Variants in CSDE1 observed in about 807,000 individuals in gnomAD.
CSDE1 encodes the protein cold shock domain containing E1, also known as cold shock domain-containing protein E1.
A neutral mutation model predicts 89.3 loss-of-function variants in CSDE1; 17 were observed. That is an observed-to-expected ratio of 0.19 (90% CI 0.13 to 0.29). The LOEUF (loss-of-function observed/expected upper bound fraction) is 0.29. Ranked by LOEUF, CSDE1 falls within the 10% of genes least tolerant of loss-of-function variation. The pLI is 1.00. For synonymous variants in CSDE1, 322 were observed against 332.8 expected (o/e 0.97, Z 0.35); for missense variants, 672 against 984.2 (o/e 0.68, Z 4.24).
chr1:114,726,446 C>A, intron 13 of CSDE1, 60 bp from the exon 14 acceptor site: 2 of 1,400,724 alleles, frequency 1.4e-6, no homozygotes, highest in South Asian at 1.5e-5. Context: ...CTCCTTAACT[C>A]AGAAAACAAG....
At chr1:114,725,450 A>G in intron 14 of CSDE1, 117 bp from the exon 15 acceptor site, 1 of 759,092 alleles carries the variant, frequency 1.3e-6, no homozygotes, top group Non-Finnish European at 2.3e-6. Flanking sequence ...ATTAGACACC[A>G]TTTTAAGTAA....
Position 114,717,237 on chromosome 1 carries a change from G to GT in CSDE1, c.*931dup, listed in dbSNP as rs1209268444. The GT allele has an allele frequency of 2.6e-5, 4 of 152,304 alleles. No homozygotes were observed. The highest frequency in any genetic ancestry group is 7.3e-5 in the African/African-American group (3 of 41,350). The allele number at this position is 152,304 out of a possible 1,614,324, so 9.4% of individuals were successfully genotyped here. On this transcript the variant is annotated 3_prime_UTR_variant, in exon 20 of 20. Transcript: ENST00000358528. ...AAGCTACACCAAGGGTCAAGTGTCT[G>GT]TATTTTACAGGACACAGTAACCAGG... is the stretch of plus-strand genomic sequence containing the variant.
rs1435123258 is a variant in CSDE1, at chr1:114,726,321, T to G, written c.1530A>C (p.Leu510Phe). 1.2e-6 allele frequency: 2 copies of G among 1,613,908 alleles called. No individual in the cohort carries two copies. Among genetic ancestry groups the G allele is most frequent in the Admixed American group, 3.3e-5 (2 of 59,972 alleles). ...GCCTCTTGGAGTTAGAATTACGACC[T>G]AAAAGTCGCACACAAGTTGCAACCT... ...GQQVATCVRL[L>F]GRNSNSKRLL... Residue 510 changes from leucine to phenylalanine, a missense_variant, in exon 14 of 20, where the codon TTA becomes TTC. Coordinates refer to ENST00000358528, the MANE Select transcript of CSDE1 (RefSeq NM_001007553.3).
chr1:114,726,831 AGCT>A, intron 13 of CSDE1, 149 bp downstream of exon 13: 1 of 569,216 alleles, frequency 1.8e-6, no homozygotes, highest in East Asian at 2.9e-5. Flanking sequence ...ACTTTTAATA[AGCT>A]GCTTTCAAAT....
intron 7 of CSDE1, 83 bp from the exon 8 acceptor site, chr1:114,734,200 A>C: frequency 6.9e-7 from 1 of 1,444,938 alleles, no homozygotes; most frequent in Non-Finnish European, 9.4e-7. Flanking sequence ...AATTTTTGTA[A>C]AATTATACTG....
chr1:114,733,898 AG>A (rs1297723420), intron 8 of CSDE1, 41 bp from the exon 9 acceptor site: 3 of 1,609,014 alleles, frequency 1.9e-6, no homozygotes, highest in Non-Finnish European at 2.5e-6. Context: ...GGACAGAGGA[AG>A]GAAGAATCAC....
rs61764381 is a variant in CSDE1, at chr1:114,718,304, C to T, written c.2350-88G>A. 240 of 1,439,532 alleles carry T rather than the reference C, an allele frequency of 1.7e-4. No individual in the cohort carries two copies. In the African/African-American group the frequency reaches 3.2e-3, roughly 19 times the overall value. 89.2% of individuals were successfully genotyped at this position (1,439,532 alleles called of 1,614,324 possible). A position where few individuals can be genotyped will look rare whatever the true frequency, so the allele number is the denominator to read the frequency against. On this transcript the variant is annotated intron_variant, in intron 19 of 19. Coordinates refer to ENST00000358528, the MANE Select transcript of CSDE1 (RefSeq NM_001007553.3). Reference sequence around the variant, plus strand: ...CATTCACTATTCCGAAATGAAACTACAAAAGCATTATTTTTAATCATCTTA... The same window carrying T: ...CATTCACTATTCCGAAATGAAACTATAAAAGCATTATTTTTAATCATCTTA...
chr1:114,719,219 G>C (rs1270034814), intron 18 of CSDE1, among the ~76,000 whole-genome samples: 1 of 152,180 alleles, frequency 6.6e-6, no homozygotes, highest in Non-Finnish European at 1.5e-5. Flanking sequence ...TGACGTGGGA[G>C]AATTGCTTAG....
At chr1:114,719,173 G>A (rs1288003331) in intron 18 of CSDE1, among the ~76,000 whole-genome samples, 1 of 152,162 alleles carries the variant, frequency 6.6e-6, no homozygotes, top group South Asian at 2.1e-4. Context: ...GCTGCATGTG[G>A]TGGCGCATGC....
chr1:114,751,440 T>C (rs1661302428), intron 1 of CSDE1, among the ~76,000 whole-genome samples: 1 of 152,178 alleles, frequency 6.6e-6, no homozygotes, highest in Non-Finnish European at 1.5e-5. Flanking sequence ...AAGAGCCTAA[T>C]CGCAATCACT....
rs780006479 is a variant in CSDE1 at position 114,720,590 on chromosome 1, A to C, written c.2001T>G (p.Ala667=). The C allele has an allele frequency of 2.5e-6, 4 of 1,614,100 alleles. No homozygotes were observed. In the South Asian group the frequency reaches 3.3e-5, roughly 13 times the overall value. The change falls in exon 17 of 20, where the codon GCT becomes GCG. Residue 667 remains alanine (A), a synonymous_variant. Coordinates refer to ENST00000358528, the MANE Select transcript of CSDE1 (RefSeq NM_001007553.3). ...CCCTGCGCAGGGGTGTGATGTTGTA[A>C]GCCATAGTTTGTGCATTTTGGCCCA... ...CVLGQNAQTM[A]YNITPLRRAT...
chr1:114,719,526 AAGTTGAGACACTCCAGGGTAGTTACT>A, intron 18 of CSDE1, 27 bp downstream of exon 18: 1 of 1,543,686 alleles, frequency 6.5e-7, no homozygotes. Context: ...AGAGACTATA[AAGTTGAGACACTCCAGGGTAGTTACT>A]AATCAAACCA....
intron 18 of CSDE1, 122 bp from the exon 19 acceptor site, chr1:114,718,867 C>T: frequency 9.9e-7 from 1 of 1,006,330 alleles, no homozygotes; most frequent in Non-Finnish European, 1.4e-6. Flanking sequence ...GGGACTCTTG[C>T]CTCATATACC....
chr1:114,739,989 C>CA (rs1184025439), intron 2 of CSDE1, 99 bp from the exon 3 acceptor site: 91 of 930,492 alleles, frequency 9.8e-5, no homozygotes, highest in Non-Finnish European at 1.1e-4. Context: ...TATAAAAACG[C>CA]AAAAAAAAGT....
chr1:114,742,669 G>C (rs924303163), intron 2 of CSDE1, among the ~76,000 whole-genome samples: 1 of 152,196 alleles, frequency 6.6e-6, no homozygotes, highest in Non-Finnish European at 1.5e-5. Flanking sequence ...CACATGCAAA[G>C]AGCAAGGGAA....
In CSDE1 at chr1:114,719,653, T is replaced by G. The variant is rs758669336; in HGVS notation, c.2142A>C (p.Gly714=). 1.2e-6 allele frequency: 2 copies of G among 1,614,054 alleles called. No homozygotes were observed. Among genetic ancestry groups the G allele is most frequent in the Non-Finnish European group, 1.7e-6 (2 of 1,179,958 alleles). ...GAATCACTGAGAACTCCACCTCATCTCCTGCCTGTAGCTCAATGCCATCCT... is the reference window on the plus strand; with the variant it reads ...GAATCACTGAGAACTCCACCTCATCGCCTGCCTGTAGCTCAATGCCATCCT... ...EVQDGIELQA[G]DEVEFSVILN... The change falls in exon 18 of 20, where the codon GGA becomes GGC. Residue 714 remains glycine (G), a synonymous_variant. Transcript: ENST00000358528.
At chr1:114,732,221 C>T (rs937294710) in intron 10 of CSDE1, among the ~76,000 whole-genome samples, 2 of 152,050 alleles carry the variant, frequency 1.3e-5, no homozygotes, top group African/African-American at 2.4e-5. Flanking sequence ...CTGGACCACA[C>T]TGGAGGAAGA....
chr1:114,730,169 G>A (rs959581965), intron 12 of CSDE1, 89 bp downstream of exon 12: 13 of 1,393,894 alleles, frequency 9.3e-6, no homozygotes, highest in Non-Finnish European at 1.3e-5. Context: ...ACAAACTTCC[G>A]CTGATTATAT....
chr1:114,718,120 T>G lies in CSDE1; in HGVS notation c.*49A>C. The G allele has an allele frequency of 6.3e-7, 1 of 1,599,620 alleles. No homozygotes were observed. Among genetic ancestry groups the G allele is most frequent in the South Asian group, 1.1e-5 (1 of 90,362 alleles). ...AGATATTCAGAACCCTTCACCAGAT[T>G]CCCCCCAACTTGATCATAGTGGATT... On this transcript the variant is annotated 3_prime_UTR_variant, in exon 20 of 20. Transcript: ENST00000358528.
Sources: gnomAD v4.1 joint callset for allele counts (sites outside exome capture counted in the v4.1 genomes callset) on GRCh38, gnomAD v4.1.1 for gene constraint, MANE v1.5 for transcripts, NCBI Gene and HGNC (gene_info 2026-07-23, HGNC 2026-07-21) for gene names.